KIFBP: variants seen among roughly 807,000 people sequenced by gnomAD.
KIFBP encodes kinesin family binding protein.
A neutral mutation model predicts 58.9 loss-of-function variants in KIFBP; 46 were observed. The ratio of observed to expected loss-of-function variants is 0.78; its 90% confidence interval spans 0.62 to 1.00. The LOEUF is 1.00. Ranked by LOEUF, KIFBP falls within the 50% of genes least tolerant of loss-of-function variation. The pLI is 0.00. For synonymous variants in KIFBP, 241 were observed against 283.4 expected (o/e 0.85, Z 1.50); for missense variants, 651 against 752.9 (o/e 0.86, Z 1.58).
At chr10:68,999,516 G>T (rs1235940351) in intron 1 of KIFBP, among the ~76,000 whole-genome samples, 1 of 151,970 alleles carries the variant, frequency 6.6e-6, no homozygotes, top group African/African-American at 2.4e-5. Context: ...TTAGCTGATT[G>T]TTCCTTACTC....
chr10:69,008,720 T>C, intron 4 of KIFBP, 121 bp from the exon 5 acceptor site: 1 of 797,852 alleles, frequency 1.3e-6, no homozygotes, highest in Non-Finnish European at 2.2e-6. Context: ...CTACAGGGCC[T>C]CCTTTGTAGT....
intron 3 of KIFBP, 108 bp from the exon 4 acceptor site, chr10:69,005,624 G>C: frequency 1.2e-6 from 1 of 827,886 alleles, no homozygotes; most frequent in Non-Finnish European, 2.0e-6. Flanking sequence ...AGTGAGCCAA[G>C]ATCGTGCCAC....
In KIFBP at chr10:68,998,757, G is replaced by GTGTA. The variant is rs1449148038; in HGVS notation, c.427-1666_427-1665insGTAT. On this transcript the variant is annotated intron_variant, in intron 1 of 6. Coordinates refer to ENST00000361983, the MANE Select transcript of KIFBP (RefSeq NM_015634.4). ...TACATACATACATACATACATATAT[G>GTGTA]TATATATATATATATTTTTTTTTTT... 4.2e-3 allele frequency among the ~76,000 whole-genome samples: 334 copies of GTGTA among 79,844 alleles called. 5 individuals carry two copies. The highest frequency in any genetic ancestry group is 0.015 in the Middle Eastern group (2 of 136). The allele number at this position is 79,844 out of a possible 152,430, so 52.4% of individuals were successfully genotyped here. A position where few individuals can be genotyped will look rare whatever the true frequency, so the allele number is the denominator to read the frequency against.
intron 1 of KIFBP, among the ~76,000 whole-genome samples, chr10:68,990,409 C>T (rs1843329281): frequency 6.6e-6 from 1 of 151,960 alleles, no homozygotes; most frequent in Admixed American, 6.6e-5. Flanking sequence ...ACTAGCCAGG[C>T]ATGGTGGTAC....
chr10:68,995,609 T>C (rs1324152880), intron 1 of KIFBP, among the ~76,000 whole-genome samples: 1 of 152,270 alleles, frequency 6.6e-6, no homozygotes, highest in Non-Finnish European at 1.5e-5. Context: ...TTTCTTGTTA[T>C]ATCTTTGTTT....
At chr10:69,013,716 A>G (rs1185827242) in intron 6 of KIFBP, among the ~76,000 whole-genome samples, 4 of 152,290 alleles carry the variant, frequency 2.6e-5, no homozygotes, top group Admixed American at 1.3e-4. Flanking sequence ...TTAAACTCAC[A>G]TATTTGCCAT....
chr10:68,990,630 A>G (rs1007193417), intron 1 of KIFBP, among the ~76,000 whole-genome samples: 1 of 152,220 alleles, frequency 6.6e-6, no homozygotes, highest in Non-Finnish European at 1.5e-5. Flanking sequence ...AATACTTTAA[A>G]AAGTTAAAAT....
At chr10:68,995,379 AT>A (rs1843393754) in intron 1 of KIFBP, 3 of 152,240 alleles carry the variant, frequency 2.0e-5, no homozygotes, top group South Asian at 2.1e-4. Context: ...CAACATCGTT[AT>A]TTCATTCTGT....
At chr10:69,004,592 G>A (rs1330726484) in intron 2 of KIFBP, among the ~76,000 whole-genome samples, 1 of 151,930 alleles carries the variant, frequency 6.6e-6, no homozygotes, top group African/African-American at 2.4e-5. Flanking sequence ...GGCGGGTGCA[G>A]TGGCTCACGC....
In KIFBP at chr10:69,000,408, TTTC is replaced by T. The variant is rs1843454226; in HGVS notation, c.427-13_427-11del. The T allele has an allele frequency of 6.5e-7, 1 of 1,535,052 alleles. No individual in the cohort carries two copies. The highest frequency in any genetic ancestry group is 1.4e-5 in the African/African-American group (1 of 73,538). On this transcript the variant is annotated splice_polypyrimidine_tract_variant and intron_variant, in intron 1 of 6. Coordinates refer to ENST00000361983, the MANE Select transcript of KIFBP (RefSeq NM_015634.4). ...TCTTATATCATTGTTTGTTTCTCTT[TTTC>T]TTTATTTTCCAGAATAACCTGGGTA...
intron 2 of KIFBP, among the ~76,000 whole-genome samples, chr10:69,002,862 C>T (rs1012544189): frequency 6.6e-5 from 10 of 151,950 alleles, no homozygotes; most frequent in African/African-American, 2.4e-4. Flanking sequence ...GATCCTGCCA[C>T]TGCACGCCAG....
intron 2 of KIFBP, among the ~76,000 whole-genome samples, chr10:69,001,379 C>CT (rs938963539): frequency 3.3e-5 from 5 of 152,122 alleles, no homozygotes; most frequent in South Asian, 4.2e-4. Context: ...CCTTAATAAA[C>CT]TTTTTTTTAA....
At chr10:68,992,213 G>C (rs1034774791) in intron 1 of KIFBP, among the ~76,000 whole-genome samples, 2 of 151,910 alleles carry the variant, frequency 1.3e-5, no homozygotes, top group Admixed American at 6.6e-5. Context: ...GGCTGGTCTC[G>C]AACTACTGAG....
intron 1 of KIFBP, 114 bp downstream of exon 1, chr10:68,989,372 T>C (rs924278025): frequency 1.7e-6 from 2 of 1,188,826 alleles, no homozygotes; most frequent in East Asian, 5.0e-5. Context: ...CCCACGTTTT[T>C]GTAGCTCTGG....
chr10:69,005,583 G>A, intron 3 of KIFBP, 149 bp from the exon 4 acceptor site: 1 of 627,842 alleles, frequency 1.6e-6, no homozygotes, highest in Admixed American at 2.7e-5. Flanking sequence ...GGCTGAGGCA[G>A]GAGAATTGCT....
chr10:68,998,390 G>C (rs1197996851), intron 1 of KIFBP, among the ~76,000 whole-genome samples: 2 of 151,638 alleles, frequency 1.3e-5, no homozygotes, highest in East Asian at 3.9e-4. Flanking sequence ...CTGCAAACTA[G>C]CATAATAGAA....
chr10:68,996,388 C>T (rs562628593), intron 1 of KIFBP, among the ~76,000 whole-genome samples: 134 of 151,958 alleles, frequency 8.8e-4, no homozygotes, highest in African/African-American at 3.0e-3. Flanking sequence ...TGGCAAAACC[C>T]CGTCTCTACT....
At chr10:69,003,084 T>C (rs1230486334) in intron 2 of KIFBP, among the ~76,000 whole-genome samples, 1 of 151,656 alleles carries the variant, frequency 6.6e-6, no homozygotes, top group Non-Finnish European at 1.5e-5. Context: ...ATCAATAGTA[T>C]TTCATTAAAA....
At position 69,010,899 on chromosome 10, in the gene KIFBP, G is replaced by A; in HGVS notation, c.875-1G>A. 6.3e-7 allele frequency: 1 copy of A among 1,599,038 alleles called. No homozygotes were observed. The highest frequency in any genetic ancestry group is 8.6e-7 in the Non-Finnish European group (1 of 1,166,374). On this transcript the variant is annotated splice_acceptor_variant, in intron 5 of 6. Coordinates refer to ENST00000361983, the MANE Select transcript of KIFBP (RefSeq NM_015634.4). LOFTEE classifies it high-confidence loss of function. Reference sequence around the variant, plus strand: ...TTAAACAAATCACATGTATATTTTAGCTCCTGAAGCTGAAGGAGAAGTGCC... The same window carrying A: ...TTAAACAAATCACATGTATATTTTAACTCCTGAAGCTGAAGGAGAAGTGCC...
Sources: gnomAD v4.1 joint callset for allele counts (sites outside exome capture counted in the v4.1 genomes callset) on GRCh38, gnomAD v4.1.1 for gene constraint, MANE v1.5 for transcripts, NCBI Gene and HGNC (gene_info 2026-07-23, HGNC 2026-07-21) for gene names.